Variants in DDX42 observed in about 807,000 individuals in gnomAD.
DDX42 encodes ATP-dependent RNA helicase DDX42.
DDX42 carries 22 observed loss-of-function variants against 101.5 expected under a neutral mutation model. The ratio of observed to expected loss-of-function variants is 0.22; its 90% CI spans 0.15 to 0.31. The LOEUF (loss-of-function observed/expected upper bound fraction) is 0.31. Ranked by LOEUF, DDX42 falls within the 10% of genes least tolerant of loss-of-function variation. The probability of loss-of-function intolerance (pLI) is 1.00; values close to 1 mark genes in which losing one functional copy is unlikely to be tolerated. For synonymous variants in DDX42, 402 were observed against 401.2 expected, an observed-to-expected ratio of 1.00 and a Z score of -0.02; for missense variants, 849 against 1,199.9, an observed-to-expected ratio of 0.71 and a Z score of 4.32.
chr17:63,792,396 G>C lies in DDX42; in HGVS notation c.222-16G>C, dbSNP rs1301471566. ...AAGTAAGCATTCACTTTACCAGTTT[G>C]CTTTCTAATTCTCAGCTATTTTGAA... On this transcript the variant is annotated splice_polypyrimidine_tract_variant and intron_variant, in intron 2 of 17. Coordinates refer to ENST00000389924, the MANE Select transcript of DDX42 (RefSeq NM_203499.3). 17 of 1,607,704 alleles carry C rather than the reference G, an allele frequency of 1.1e-5. No individual in the cohort carries two copies. Among genetic ancestry groups the C allele is most frequent in the Non-Finnish European group, 1.4e-5 (16 of 1,176,808 alleles).
chr17:63,799,830 G>C (rs1401706615), intron 5 of DDX42, among the ~76,000 whole-genome samples: 1 of 152,156 alleles, frequency 6.6e-6, no homozygotes, highest in African/African-American at 2.4e-5. Context: ...TGGAATTTTT[G>C]ATCAACTGTG....
intron 1 of DDX42, chr17:63,775,176 G>T (rs1249876999): frequency 6.6e-6 from 1 of 152,652 alleles, no homozygotes; most frequent in Admixed American, 6.5e-5. Context: ...TGGCACATAA[G>T]AGGTGAGCAA....
intron 8 of DDX42, 132 bp from the exon 9 acceptor site, chr17:63,807,592 T>C: frequency 2.8e-6 from 2 of 721,476 alleles, no homozygotes; most frequent in South Asian, 3.9e-5. Context: ...ACAACCAGTA[T>C]GCATAGCACC....
intron 1 of DDX42, chr17:63,774,802 TA>T (rs1474647989): frequency 2.0e-5 from 3 of 152,228 alleles, no homozygotes; most frequent in Admixed American, 1.3e-4. Flanking sequence ...AGTGAAAAGA[TA>T]TAGGCGATGA....
At chr17:63,794,528 A>G (rs1021607977) in intron 3 of DDX42, among the ~76,000 whole-genome samples, 8 of 151,912 alleles carry the variant, frequency 5.3e-5, no homozygotes, top group South Asian at 2.1e-4. Flanking sequence ...ACCAAAAACT[A>G]TCACTTTAGA....
chr17:63,788,850 G>A (rs891559148), intron 2 of DDX42, among the ~76,000 whole-genome samples: 2 of 152,096 alleles, frequency 1.3e-5, no homozygotes, highest in Non-Finnish European at 2.9e-5. Flanking sequence ...TTTCCAAGCT[G>A]ATTGTGACAC....
At chr17:63,776,648 T>C (rs78154035) in intron 1 of DDX42, among the ~76,000 whole-genome samples, 3 of 151,864 alleles carry the variant, frequency 2.0e-5, no homozygotes, top group African/African-American at 7.2e-5. Flanking sequence ...TTTTTTTTTT[T>C]TGAGATGGTG....
intron 8 of DDX42, 150 bp downstream of exon 8, chr17:63,806,804 A>G: frequency 1.3e-6 from 1 of 778,882 alleles, no homozygotes. Flanking sequence ...AAGTCACTAA[A>G]TGGCTGACAA....
rs546581993 is a variant in DDX42, at chr17:63,788,365, A to G, written c.221+1095A>G. On this transcript the variant is annotated intron_variant, in intron 2 of 17. Transcript: ENST00000389924. ...TCTCTCACCCAGGCTGGAATGCAGT[A>G]GCGCGATCTTGGCTCACTGCAACCT... Among the ~76,000 whole-genome samples the G allele has an allele frequency of 6.0e-4, 86 of 142,576 alleles. 2 individuals carry two copies. Among genetic ancestry groups the G allele is most frequent in the African/African-American group, 2.2e-3 (84 of 37,334 alleles). The allele number at this position is 142,576 out of a possible 152,430, so 93.5% of individuals were successfully genotyped here. A position where few individuals can be genotyped will look rare whatever the true frequency, so the allele number is the denominator to read the frequency against.
At chr17:63,817,583 C>G (rs1330955808) in intron 17 of DDX42, 111 bp from the exon 18 acceptor site, 8 of 1,052,024 alleles carry the variant, frequency 7.6e-6, no homozygotes, top group South Asian at 6.4e-5. Flanking sequence ...ACTAAACTCA[C>G]AGTGCCAGGA....
At position 63,777,450 on chromosome 17, in the gene DDX42, CT is replaced by C. The variant is rs1336711645; in HGVS notation, c.-17+3089del. Among the ~76,000 whole-genome samples the C allele has an allele frequency of 3.8e-3, 535 of 139,154 alleles. 1 individual carries two copies. The highest frequency in any genetic ancestry group is 7.6e-3 in the East Asian group (36 of 4,716). The allele number at this position is 139,154 out of a possible 152,430, so 91.3% of individuals were successfully genotyped here. On this transcript the variant is annotated intron_variant, in intron 1 of 17. Transcript: ENST00000389924. Reference sequence around the variant, plus strand: ...AAGGAGATGCCATTTCTTTTTCTTTCTTTTTTTTTTTTTTTGAGACGGAGTC... The same window carrying C: ...AAGGAGATGCCATTTCTTTTTCTTTCTTTTTTTTTTTTTTGAGACGGAGTC...
intron 2 of DDX42, among the ~76,000 whole-genome samples, chr17:63,788,310 CTTTTTTTT>C (rs370584285): frequency 2.5e-5 from 3 of 121,484 alleles, no homozygotes; most frequent in Non-Finnish European, 5.1e-5. Flanking sequence ...ACATCTGAGT[CTTTTTTTT>C]TTTTTTTTTT....
chr17:63,801,521 C>A (rs1342790256), intron 6 of DDX42, among the ~76,000 whole-genome samples: 4 of 151,958 alleles, frequency 2.6e-5, no homozygotes, highest in African/African-American at 9.7e-5. Context: ...ACCTGGCATG[C>A]CTTTATTTTT....
chr17:63,811,405 G>T, intron 13 of DDX42: 1 of 427,086 alleles, frequency 2.3e-6, no homozygotes, highest in Non-Finnish European at 4.2e-6. Flanking sequence ...TTCATTTTGT[G>T]TTTTTTTTGT....
intron 6 of DDX42, among the ~76,000 whole-genome samples, chr17:63,801,460 C>T (rs551690099): frequency 6.6e-6 from 1 of 152,130 alleles, no homozygotes; most frequent in Admixed American, 6.5e-5. Flanking sequence ...CTCAAGTGAT[C>T]CTTTCACTTC....
In DDX42 at chr17:63,789,552, TGTTTTTGTTTTTG is replaced by T. The variant is rs1322866308; in HGVS notation, c.221+2283_221+2295del. Among the ~76,000 whole-genome samples, 121 of 22,768 alleles carry T rather than the reference TGTTTTTGTTTTTG, an allele frequency of 5.3e-3. 2 individuals carry two copies. The highest frequency in any genetic ancestry group is 0.029 in the African/African-American group (99 of 3,448). The allele number at this position is 22,768 out of a possible 152,430, so 14.9% of individuals were successfully genotyped here. A position where few individuals can be genotyped will look rare whatever the true frequency, so the allele number is the denominator to read the frequency against. On this transcript the variant is annotated intron_variant, in intron 2 of 17. Transcript: ENST00000389924. ...AAAAAAAGCTTCTAAAAGACTTTTT[TGTTTTTGTTTTTG>T]TTTTTGTTTTTTTTTTTTTTTTTTT...
chr17:63,800,044 T>C lies in DDX42; in HGVS notation c.471+419T>C, dbSNP rs550363683. 3 of 215,028 alleles carry C rather than the reference T, an allele frequency of 1.4e-5. No homozygotes were observed. The South Asian group carries it at 3.3e-4, about 24-fold the overall frequency. The allele number at this position is 215,028 out of a possible 1,614,324, so 13.3% of individuals were successfully genotyped here. ...ATTAATTACTGTCCATTAGTCTCTTTTCCCCCATTGTTCAGTTGTGGAGTG... is the reference window on the plus strand; with the variant it reads ...ATTAATTACTGTCCATTAGTCTCTTCTCCCCCATTGTTCAGTTGTGGAGTG... On this transcript the variant is annotated intron_variant, in intron 5 of 17. Transcript: ENST00000389924.
chr17:63,777,528 A>G (rs1057376925), intron 1 of DDX42, among the ~76,000 whole-genome samples: 4 of 151,586 alleles, frequency 2.6e-5, no homozygotes, highest in Non-Finnish European at 5.9e-5. Flanking sequence ...GCTCACTGCA[A>G]GCTCCGTCTC....
intron 3 of DDX42, among the ~76,000 whole-genome samples, chr17:63,795,545 C>G (rs139732171): frequency 2.0e-5 from 3 of 152,092 alleles, no homozygotes; most frequent in African/African-American, 7.2e-5. Context: ...TTTCCCAGGC[C>G]GGTCTCAAAC....
Sources: allele counts gnomAD v4.1 joint callset (sites outside exome capture counted in the v4.1 genomes callset), GRCh38; gene constraint gnomAD v4.1.1; transcripts MANE v1.5; gene names NCBI Gene and HGNC (gene_info 2026-07-23, HGNC 2026-07-21).